PCDH9: variants seen among roughly 807,000 people sequenced by gnomAD.
PCDH9 encodes protocadherin 9.
In PCDH9, 24 loss-of-function variants were observed where a neutral mutation model predicts 70.6. The observed-to-expected ratio is 0.34, with a 90% CI of 0.25 to 0.48. The LOEUF (loss-of-function observed/expected upper bound fraction) is 0.48, where lower values mean the gene tolerates loss of function less well. Among genes scored for constraint, PCDH9 ranks in the 20% least tolerant of loss-of-function variants. The pLI is 0.99. For synonymous variants in PCDH9, 562 were observed against 558.5 expected, an observed-to-expected ratio of 1.01 and a Z score of -0.09; for missense variants, 1,281 against 1,503.6, an observed-to-expected ratio of 0.85 and a Z score of 2.45.
At chr13:66,686,521 T>C (rs1004105228) in intron 3 of PCDH9, among the ~76,000 whole-genome samples, 8 of 152,216 alleles carry the variant, frequency 5.3e-5, no homozygotes, top group African/African-American at 1.9e-4. Flanking sequence ...CAATACAATA[T>C]TTGTAATTAA....
intron 3 of PCDH9, among the ~76,000 whole-genome samples, chr13:66,766,019 A>T (rs1176269645): frequency 6.6e-6 from 1 of 151,892 alleles, no homozygotes; most frequent in Non-Finnish European, 1.5e-5. Context: ...CACTAGGGGG[A>T]TCTCTTATAT....
chr13:66,747,597 C>T (rs1055936258), intron 3 of PCDH9, among the ~76,000 whole-genome samples: 1 of 151,862 alleles, frequency 6.6e-6, no homozygotes, highest in African/African-American at 2.4e-5. Context: ...TTAGGTGGTG[C>T]TTTTTTCTTC....
At chr13:66,690,094 C>T (rs980980156) in intron 3 of PCDH9, among the ~76,000 whole-genome samples, 2 of 151,976 alleles carry the variant, frequency 1.3e-5, no homozygotes, top group African/African-American at 4.8e-5. Flanking sequence ...ATAAATAAAC[C>T]ATGCAATAAG....
At chr13:67,014,487 C>A (rs1003002783) in intron 2 of PCDH9, among the ~76,000 whole-genome samples, 2 of 152,100 alleles carry the variant, frequency 1.3e-5, no homozygotes, top group Non-Finnish European at 2.9e-5. Flanking sequence ...GTATGATTTT[C>A]TGTTGATAAC....
At chr13:67,112,686 C>T (rs755026266) in intron 2 of PCDH9, among the ~76,000 whole-genome samples, 1 of 151,486 alleles carries the variant, frequency 6.6e-6, no homozygotes, top group African/African-American at 2.4e-5. Flanking sequence ...TCCCTCGCTC[C>T]CTTCTTCCTT....
intron 3 of PCDH9, among the ~76,000 whole-genome samples, chr13:66,659,552 T>TG (rs60932787): frequency 0.56 from 84,568 of 150,278 alleles, 24,239 homozygotes; most frequent in African/African-American, 0.64. Context: ...TGTGTGTGTG[T>TG]TTGTGTGTGT....
intron 2 of PCDH9, among the ~76,000 whole-genome samples, chr13:66,987,343 T>C (rs1404438129): frequency 6.6e-6 from 1 of 152,048 alleles, no homozygotes; most frequent in African/African-American, 2.4e-5. Context: ...TGCCTGTTTA[T>C]AAACACTCAG....
chr13:66,769,289 G>C (rs770566428), intron 3 of PCDH9, among the ~76,000 whole-genome samples: 3 of 152,024 alleles, frequency 2.0e-5, no homozygotes, highest in Non-Finnish European at 4.4e-5. Flanking sequence ...GGATTAATTG[G>C]GATGCAACTG....
chr13:66,992,560 T>G (rs1016582801), intron 2 of PCDH9, among the ~76,000 whole-genome samples: 1 of 152,196 alleles, frequency 6.6e-6, no homozygotes, highest in African/African-American at 2.4e-5. Context: ...ACGAGCTCTT[T>G]TAATTTTGCA....
chr13:67,203,460 T>TA (rs1446679490), intron 2 of PCDH9: 4 of 152,110 alleles, frequency 2.6e-5, no homozygotes, highest in South Asian at 2.1e-4. Context: ...CTTTTGGCTT[T>TA]AAAATCACTA....
chr13:66,733,000 T>G (rs908083807), intron 3 of PCDH9, among the ~76,000 whole-genome samples: 2 of 152,108 alleles, frequency 1.3e-5, no homozygotes, highest in African/African-American at 4.8e-5. Flanking sequence ...AATTTATATT[T>G]TAAGCATATA....
chr13:66,630,155 A>ATT (rs563574681), intron 4 of PCDH9, among the ~76,000 whole-genome samples: 1 of 151,118 alleles, frequency 6.6e-6, no homozygotes, highest in Non-Finnish European at 1.5e-5. Context: ...AAGCAAAAAT[A>ATT]TTTTTTTTTG....
At chr13:66,605,021 A>G (rs1433593936) in intron 4 of PCDH9, among the ~76,000 whole-genome samples, 4 of 152,084 alleles carry the variant, frequency 2.6e-5, no homozygotes, top group Non-Finnish European at 1.5e-5. Context: ...AATCATTGAG[A>G]AACTCTAAAG....
At chr13:66,419,763 G>GTTTT (rs35437080) in intron 4 of PCDH9, among the ~76,000 whole-genome samples, 1 of 142,306 alleles carries the variant, frequency 7.0e-6, no homozygotes. Context: ...AGCTGCAGGA[G>GTTTT]TTTTTTTTTT....
intron 2 of PCDH9, among the ~76,000 whole-genome samples, chr13:66,965,633 A>G (rs1235741486): frequency 6.6e-6 from 1 of 151,948 alleles, no homozygotes; most frequent in African/African-American, 2.4e-5. Context: ...CACATCTTAG[A>G]TCAGAATTTT....
At chr13:66,894,705 T>A (rs1424795582) in intron 3 of PCDH9, among the ~76,000 whole-genome samples, 3 of 152,186 alleles carry the variant, frequency 2.0e-5, no homozygotes, top group Non-Finnish European at 4.4e-5. Flanking sequence ...AAATATCCAT[T>A]GCAAACATCC....
At chr13:66,522,605 G>A (rs1324598490) in intron 4 of PCDH9, among the ~76,000 whole-genome samples, 2 of 151,952 alleles carry the variant, frequency 1.3e-5, no homozygotes, top group Non-Finnish European at 2.9e-5. Flanking sequence ...AAAGAGATGA[G>A]GTCATGGTGG....
At chr13:66,483,464 A>T (rs563635019) in intron 4 of PCDH9, among the ~76,000 whole-genome samples, 66 of 152,314 alleles carry the variant, frequency 4.3e-4, no homozygotes, top group African/African-American at 1.5e-3. Context: ...CTATTACATC[A>T]CCACCAACTT....
At chr13:66,955,288 T>G (rs990273997) in intron 2 of PCDH9, among the ~76,000 whole-genome samples, 5 of 152,174 alleles carry the variant, frequency 3.3e-5, no homozygotes, top group Non-Finnish European at 7.4e-5. Flanking sequence ...AAACTTACTC[T>G]CCTAATCAGC....
Sources: gnomAD v4.1 joint callset for allele counts (sites outside exome capture counted in the v4.1 genomes callset) on GRCh38, gnomAD v4.1.1 for gene constraint, MANE v1.5 for transcripts, NCBI Gene and HGNC (gene_info 2026-07-23, HGNC 2026-07-21) for gene names.